RAC2: variants seen among roughly 807,000 people sequenced by gnomAD.
RAC2 encodes Rac family small GTPase 2, also known as ras-related C3 botulinum toxin substrate 2.
A neutral mutation model predicts 24.0 loss-of-function variants in RAC2; 1 was observed. The observed-to-expected ratio is 0.04, with a 90% CI of 0.01 to 0.20. The LOEUF is 0.20. RAC2 is among the 10% of genes least tolerant of loss of function. The pLI is 1.00. For missense variants in RAC2, 130 were observed against 259.1 expected (o/e 0.50, Z 3.42); for synonymous variants, 114 against 106.8 (o/e 1.07, Z -0.41).
rs114861109 is a variant in RAC2, at chr22:37,230,445, C to T, written c.448+786G>A. Among the ~76,000 whole-genome samples the T allele has an allele frequency of 4.6e-3, 693 of 151,520 alleles. 4 individuals are homozygous for T. Among genetic ancestry groups the T allele is most frequent in the African/African-American group, 0.016 (635 of 40,862 alleles). The stretch of plus-strand genomic sequence containing the variant: ...TGAGCTACAGACACATTGGGACCTA[C>T]CAGGGACAGGGACAGGAACAGCCAG... On this transcript the variant is annotated intron_variant, in intron 5 of 6. Transcript: ENST00000249071.
chr22:37,233,006 G>A (rs1446844188), intron 2 of RAC2, 88 bp from the exon 3 acceptor site: 3 of 996,198 alleles, frequency 3.0e-6, no homozygotes, highest in Non-Finnish European at 4.8e-6. Flanking sequence ...ATTCCTCGGA[G>A]GCTGAGACCT....
intron 2 of RAC2, among the ~76,000 whole-genome samples, chr22:37,240,376 C>G (rs1229518276): frequency 1.3e-5 from 2 of 152,238 alleles, no homozygotes; most frequent in Non-Finnish European, 2.9e-5. Context: ...GGAGGCAAGC[C>G]TCTTAGTGGC....
chr22:37,234,848 C>T (rs1269288837), intron 2 of RAC2, among the ~76,000 whole-genome samples: 1 of 152,214 alleles, frequency 6.6e-6, no homozygotes, highest in Non-Finnish European at 1.5e-5. Context: ...TCACTCCCAA[C>T]TTCTATTCAT....
Position 37,231,211 on chromosome 22 carries a change from T to G in RAC2, c.448+20A>C, listed in dbSNP as rs1315614654. 1 of 1,612,492 alleles carries G rather than the reference T, an allele frequency of 6.2e-7. No individual in the cohort carries two copies. Among genetic ancestry groups the G allele is most frequent in the African/African-American group, 1.3e-5 (1 of 74,934 alleles). On this transcript the variant is annotated intron_variant, in intron 5 of 6. Coordinates refer to ENST00000249071, the MANE Select transcript of RAC2 (RefSeq NM_002872.5). The surrounding 1 kb of genome is among the most constrained non-coding windows in gnomAD (Gnocchi z 5.5). ...GCCTCCCCTGCAGCCAGATCGCCCC[T>G]CTGAGCCCGAGGCCCATACCAATCT... is the stretch of plus-strand genomic sequence containing the variant.
chr22:37,240,744 T>C (rs2145830636), intron 2 of RAC2: 1 of 458,562 alleles, frequency 2.2e-6, no homozygotes, highest in Non-Finnish European at 4.0e-6. Context: ...CCCTTCGTGG[T>C]AGATCAGAAA....
chr22:37,244,206 C>A lies in RAC2; in HGVS notation c.-58G>T. 1.2e-6 allele frequency: 2 copies of A among 1,601,074 alleles called. No individual in the cohort carries two copies. Among genetic ancestry groups the A allele is most frequent in the Non-Finnish European group, 1.7e-6 (2 of 1,173,064 alleles). On this transcript the variant is annotated 5_prime_UTR_variant, in exon 1 of 7. Transcript: ENST00000249071. ...CAGCTCAGGGCCAGGCGCGTTTCTGCGGGCGCAAGGGGTGTGGAGGCTGGT... is the reference window on the plus strand; with the variant it reads ...CAGCTCAGGGCCAGGCGCGTTTCTGAGGGCGCAAGGGGTGTGGAGGCTGGT...
chr22:37,233,129 A>G (rs1379482197), intron 2 of RAC2, among the ~76,000 whole-genome samples: 1 of 152,252 alleles, frequency 6.6e-6, no homozygotes, highest in Admixed American at 6.5e-5. Flanking sequence ...GTTAACAAGA[A>G]GAAAAAAAGA....
chr22:37,240,158 T>A (rs1601676729), intron 2 of RAC2, among the ~76,000 whole-genome samples: 1 of 151,480 alleles, frequency 6.6e-6, no homozygotes, highest in African/African-American at 2.4e-5. Flanking sequence ...AAGTCTGGGG[T>A]TGGGGGTTGG....
chr22:37,241,546 C>T (rs1927392031), intron 2 of RAC2, 41 bp downstream of exon 2: 1 of 1,581,358 alleles, frequency 6.3e-7, no homozygotes, highest in African/African-American at 1.3e-5. Flanking sequence ...GTGACGGTCT[C>T]TCCCCTCCTC....
At position 37,244,098 on chromosome 22, in the gene RAC2, C is replaced by T. The variant is rs200969255; in HGVS notation, c.35+16G>A. The stretch of plus-strand genomic sequence containing the variant: ...TCCCAGTTGGGGGCTGTGAGGAAGT[C>T]CAGCCAGGTACCTACCCATCTCCCA... On this transcript the variant is annotated intron_variant, in intron 1 of 6. Coordinates refer to ENST00000249071, the MANE Select transcript of RAC2 (RefSeq NM_002872.5). 2.2e-3 allele frequency: 3,587 copies of T among 1,614,126 alleles called. 23 individuals carry two copies. Among genetic ancestry groups the T allele is most frequent in the Middle Eastern group, 0.014 (82 of 6,062 alleles).
intron 2 of RAC2, among the ~76,000 whole-genome samples, chr22:37,238,754 G>GC (rs1322125710): frequency 6.6e-6 from 1 of 152,186 alleles, no homozygotes; most frequent in Non-Finnish European, 1.5e-5. Flanking sequence ...AACTCACAGG[G>GC]CCCTGCCGGC....
intron 2 of RAC2, among the ~76,000 whole-genome samples, chr22:37,236,081 G>A (rs1335887620): frequency 6.6e-6 from 1 of 152,248 alleles, no homozygotes; most frequent in Non-Finnish European, 1.5e-5. Context: ...CATCCTGGCT[G>A]TGTGACCCTG....
chr22:37,231,967 C>T lies in RAC2; in HGVS notation c.253G>A (p.Val85Ile), dbSNP rs1927078957. 3.9e-6 allele frequency: 6 copies of T among 1,552,244 alleles called. No individual in the cohort carries two copies. Among genetic ancestry groups the T allele is most frequent in the Non-Finnish European group, 4.4e-6 (5 of 1,147,514 alleles). ...ACGTTCTCATAAGAGGCTGGGCTGACGAGGGAGAAGCAGATGAGGAAGACG... is the reference window on the plus strand; with the variant it reads ...ACGTTCTCATAAGAGGCTGGGCTGATGAGGGAGAAGCAGATGAGGAAGACG... ...TDVFLICFSL[V>I]SPASYENVRA... The change falls in exon 4 of 7, where the codon GTC (valine) becomes ATC (isoleucine). Residue 85 changes from valine to isoleucine, a missense_variant. Physicochemically the swap from Val to Ile is conservative, Grantham distance 29 (BLOSUM62 3). Coordinates refer to ENST00000249071, the MANE Select transcript of RAC2 (RefSeq NM_002872.5). This position sits in a 1 kb window ranked among gnomAD's most constrained non-coding sequence, Gnocchi z 5.5.
chr22:37,243,933 C>T (rs1353114438), intron 1 of RAC2, among the ~76,000 whole-genome samples, 181 bp downstream of exon 1: 1 of 152,180 alleles, frequency 6.6e-6, no homozygotes, highest in Admixed American at 6.5e-5. Context: ...GAGGGTGAAG[C>T]TCCCCTCAGC....
intron 1 of RAC2, among the ~76,000 whole-genome samples, chr22:37,242,022 T>G (rs1336724548): frequency 3.9e-5 from 6 of 152,158 alleles, no homozygotes. Flanking sequence ...GGGCTTCAAA[T>G]CCCAGCTGTA....
intron 2 of RAC2, among the ~76,000 whole-genome samples, chr22:37,236,638 G>A (rs763337622): frequency 3.9e-5 from 6 of 152,218 alleles, no homozygotes; most frequent in Non-Finnish European, 8.8e-5. Flanking sequence ...CTAGAATGGA[G>A]TGGAGGAGGG....
In RAC2 at chr22:37,233,160, T is replaced by C. The variant is rs1203170246; in HGVS notation, c.108-242A>G. 2.0e-5 allele frequency among the ~76,000 whole-genome samples: 3 copies of C among 152,244 alleles called. No individual in the cohort carries two copies. The East Asian group carries it at 5.8e-4, about 29-fold the overall frequency. ...AAAGATTGTCTCTTAATCCTTTTCC[T>C]ACCCGTACCTGTCCTTTGGAAAGGT... On this transcript the variant is annotated intron_variant, in intron 2 of 6. Transcript: ENST00000249071.
chr22:37,232,750 G>A (rs1260937659), intron 3 of RAC2, 51 bp downstream of exon 3: 6 of 1,489,310 alleles, frequency 4.0e-6, no homozygotes, highest in Non-Finnish European at 5.6e-6. Flanking sequence ...CCAAGCAGAG[G>A]GAACAGAGAC....
chr22:37,231,234 T>G lies in RAC2; in HGVS notation c.445A>C (p.Ile149Leu). The G allele has an allele frequency of 6.2e-7, 1 of 1,612,918 alleles. No individual in the cohort carries two copies. ...YPQGLALAKE[I>L]DSVKYLECSA... is the part of the protein sequence containing the mutation. ...CCTCTGAGCCCGAGGCCCATACCAA[T>G]CTCCTTGGCCAGTGCCAGGCCCTGC... Residue 149 changes from isoleucine to leucine, a missense_variant, in exon 5 of 7, where the codon ATT (isoleucine) becomes CTT (leucine). Physicochemically the swap from Ile to Leu is conservative, Grantham distance 5 (BLOSUM62 2). Coordinates refer to ENST00000249071, the MANE Select transcript of RAC2 (RefSeq NM_002872.5). The surrounding 1 kb of genome is among the most constrained non-coding windows in gnomAD (Gnocchi z 5.5).
Sources: allele counts gnomAD v4.1 joint callset (sites outside exome capture counted in the v4.1 genomes callset), GRCh38; gene constraint gnomAD v4.1.1; non-coding constraint Gnocchi (gnomAD v3.1); transcripts MANE v1.5; gene names NCBI Gene and HGNC (gene_info 2026-07-23, HGNC 2026-07-21).